Variants in KCNAB1 observed in about 807,000 individuals in gnomAD.
KCNAB1 encodes the protein potassium voltage-gated channel subfamily A regulatory beta subunit 1.
KCNAB1 carries 35 observed loss-of-function variants against 64.6 expected under a neutral mutation model. The ratio of observed to expected loss-of-function variants is 0.54; its 90% CI spans 0.41 to 0.72. The LOEUF (loss-of-function observed/expected upper bound fraction) is 0.72, where lower values mean the gene tolerates loss of function less well. Among genes scored for constraint, KCNAB1 ranks in the 30% least tolerant of loss-of-function variants. KCNAB1 has a pLI of 0.00. For missense variants in KCNAB1, 401 were observed against 512.9 expected (o/e 0.78, Z 2.11); for synonymous variants, 177 against 183.8 (o/e 0.96, Z 0.30).
intron 4 of KCNAB1, 27 bp downstream of exon 4, chr3:156,457,559 C>A (rs770931053): frequency 5.1e-6 from 8 of 1,577,026 alleles, no homozygotes; most frequent in South Asian, 1.1e-5. Context: ...TTGTGTCACT[C>A]AAATGGCATC....
chr3:156,183,959 T>C (rs1214017265), intron 1 of KCNAB1, among the ~76,000 whole-genome samples: 1 of 152,222 alleles, frequency 6.6e-6, no homozygotes, highest in Non-Finnish European at 1.5e-5. Context: ...AGTCCCCTTA[T>C]TTGTAAAATG....
intron 1 of KCNAB1, among the ~76,000 whole-genome samples, chr3:156,137,767 A>G (rs909582139): frequency 1.3e-5 from 2 of 149,558 alleles, no homozygotes; most frequent in African/African-American, 4.9e-5. Flanking sequence ...TGTTAGCCAG[A>G]CTGGTCTCGA....
chr3:156,119,522 T>C (rs551206422), upstream of KCNAB1, among the ~76,000 whole-genome samples: 1 of 152,302 alleles, frequency 6.6e-6, no homozygotes, highest in Non-Finnish European at 1.5e-5. Flanking sequence ...AACTCTACAA[T>C]TTTTAACTTA....
chr3:156,317,163 T>C (rs992574320), intron 1 of KCNAB1, among the ~76,000 whole-genome samples: 1 of 152,196 alleles, frequency 6.6e-6, no homozygotes, highest in African/African-American at 2.4e-5. Context: ...CCTAGAATAA[T>C]TATTCTACTC....
At chr3:156,327,471 G>A (rs1242301710) in intron 1 of KCNAB1, among the ~76,000 whole-genome samples, 3 of 152,070 alleles carry the variant, frequency 2.0e-5, no homozygotes. Context: ...GCCATATTTA[G>A]CAAGTTAGAT....
intron 2 of KCNAB1, among the ~76,000 whole-genome samples, chr3:156,428,890 CTT>C (rs1311606372): frequency 6.6e-6 from 1 of 151,888 alleles, no homozygotes; most frequent in East Asian, 1.9e-4. Flanking sequence ...ATCCTCAAGA[CTT>C]TAATTCCTAG....
At position 156,188,231 on chromosome 3, in the gene KCNAB1, T is replaced by C. The variant is rs549429579; in HGVS notation, c.275+67345T>C. On this transcript the variant is annotated intron_variant, in intron 1 of 13. Transcript: ENST00000490337. ...TGTGGGGTTTTTTTTTTTCTGATTA[T>C]AAATGTCATCACTCTAGAAAATTTT... Among the ~76,000 whole-genome samples the C allele has an allele frequency of 1.4e-4, 22 of 151,898 alleles. No individual in the cohort carries two copies. The East Asian group carries it at 4.2e-3, about 29-fold the overall frequency.
At chr3:156,402,837 C>T (rs1713996784) in intron 1 of KCNAB1, among the ~76,000 whole-genome samples, 1 of 152,150 alleles carries the variant, frequency 6.6e-6, no homozygotes, top group African/African-American at 2.4e-5. Flanking sequence ...TTTTTCCTCC[C>T]CCTATTATGG....
At chr3:156,488,515 G>A (rs898953856) in intron 8 of KCNAB1, among the ~76,000 whole-genome samples, 4 of 152,110 alleles carry the variant, frequency 2.6e-5, no homozygotes, top group Non-Finnish European at 5.9e-5. Context: ...GGACATAGAT[G>A]TGGCTGCAGC....
At chr3:156,467,911 G>A (rs1438708818) in intron 7 of KCNAB1, among the ~76,000 whole-genome samples, 6 of 152,042 alleles carry the variant, frequency 3.9e-5, no homozygotes, top group Non-Finnish European at 8.8e-5. Flanking sequence ...ATTTATTAGT[G>A]AGTTTGAGCT....
intron 1 of KCNAB1, among the ~76,000 whole-genome samples, chr3:156,342,868 G>A (rs560238135): frequency 2.0e-5 from 3 of 152,090 alleles, no homozygotes; most frequent in South Asian, 2.1e-4. Context: ...TTCTCACCCC[G>A]CTGAGGTGCA....
At chr3:156,399,575 T>C (rs1713737347) in intron 1 of KCNAB1, among the ~76,000 whole-genome samples, 1 of 152,196 alleles carries the variant, frequency 6.6e-6, no homozygotes, top group Admixed American at 6.5e-5. Flanking sequence ...AAGGTCTGTG[T>C]GTCCAGCCTG....
chr3:156,263,516 T>C (rs538994346), intron 1 of KCNAB1, among the ~76,000 whole-genome samples: 9 of 152,184 alleles, frequency 5.9e-5, no homozygotes, highest in Admixed American at 1.3e-4. Context: ...CCTTTTAATA[T>C]AGTAAGACTT....
intron 1 of KCNAB1, among the ~76,000 whole-genome samples, chr3:156,349,185 A>G (rs1724695933): frequency 6.6e-6 from 1 of 152,184 alleles, no homozygotes; most frequent in East Asian, 1.9e-4. Flanking sequence ...GTCTAGAGGA[A>G]CCACTTAATT....
chr3:156,143,010 T>C, intron 1 of KCNAB1: 3 of 1,328,690 alleles, frequency 2.3e-6, no homozygotes, highest in Non-Finnish European at 1.9e-6. Context: ...TGTCGGGAAC[T>C]TAGGAGCCTG....
At chr3:156,124,311 G>C (rs1713521811) in intron 1 of KCNAB1, among the ~76,000 whole-genome samples, 3 of 151,530 alleles carry the variant, frequency 2.0e-5, no homozygotes. Flanking sequence ...CCGCCTCCTG[G>C]GTTCGAGCGA....
intron 1 of KCNAB1, among the ~76,000 whole-genome samples, chr3:156,321,766 AT>A (rs1472195562): frequency 2.0e-5 from 3 of 152,098 alleles, no homozygotes; most frequent in Admixed American, 2.0e-4. Context: ...TTTTAATTTC[AT>A]TTTAAATTTT....
chr3:156,401,896 T>A (rs1713920073), intron 1 of KCNAB1, among the ~76,000 whole-genome samples: 1 of 151,760 alleles, frequency 6.6e-6, no homozygotes, highest in Non-Finnish European at 1.5e-5. Context: ...ACTAGTAGTG[T>A]TTGGAGAAGC....
At chr3:156,483,383 T>C (rs557123431) in intron 8 of KCNAB1, among the ~76,000 whole-genome samples, 75 of 152,250 alleles carry the variant, frequency 4.9e-4, no homozygotes, top group African/African-American at 1.8e-3. Flanking sequence ...AGTTCTCATA[T>C]TTTATGTATT....
Sources: gnomAD v4.1 joint callset for allele counts (sites outside exome capture counted in the v4.1 genomes callset) on GRCh38, gnomAD v4.1.1 for gene constraint, MANE v1.5 for transcripts, NCBI Gene and HGNC (gene_info 2026-07-23, HGNC 2026-07-21) for gene names.